LRRC1: variants seen among roughly 807,000 people sequenced by gnomAD.
LRRC1 encodes leucine-rich repeat-containing protein 1.
A neutral mutation model predicts 69.9 loss-of-function variants in LRRC1; 28 were observed. The observed-to-expected ratio is 0.40, with a 90% CI of 0.30 to 0.55. The LOEUF is 0.55. Ranked by LOEUF, LRRC1 falls within the 20% of genes least tolerant of loss-of-function variation. The pLI is 0.47. For missense variants in LRRC1, 498 were observed against 609.0 expected, an observed-to-expected ratio of 0.82 and a Z score of 1.92; for synonymous variants, 236 against 240.2, an observed-to-expected ratio of 0.98 and a Z score of 0.16.
rs954809438 is a variant in LRRC1 at position 53,795,354 on chromosome 6, G to A, written c.98G>A (p.Arg33His). 6.2e-7 allele frequency: 1 copy of A among 1,613,602 alleles called. No individual in the cohort carries two copies. Among genetic ancestry groups the A allele is most frequent in the African/African-American group, 1.3e-5 (1 of 74,900 alleles). ...SLVYVPEEIY[R>H]YARSLEELLL... ...GTCTACGTCCCCGAGGAGATCTACC[G>A]CTATGCCCGGAGCCTGGAGGAGCTG... Residue 33 changes from arginine to histidine, a missense_variant, in exon 1 of 14, where the codon CGC (arginine) becomes CAC (histidine). Coordinates refer to ENST00000370888, the MANE Select transcript of LRRC1 (RefSeq NM_018214.5).
intron 5 of LRRC1, 107 bp downstream of exon 5, chr6:53,896,661 T>C: frequency 8.5e-7 from 1 of 1,170,252 alleles, no homozygotes; most frequent in Admixed American, 2.0e-5. Context: ...TTTTGGGAAG[T>C]TTGGGGGATG....
At chr6:53,863,128 T>C (rs1766585718) in intron 2 of LRRC1, among the ~76,000 whole-genome samples, 1 of 152,246 alleles carries the variant, frequency 6.6e-6, no homozygotes, top group Non-Finnish European at 1.5e-5. Context: ...ACATGCTTGT[T>C]CTGTTCACTG....
intron 2 of LRRC1, among the ~76,000 whole-genome samples, chr6:53,855,653 G>A (rs1389516549): frequency 6.6e-6 from 1 of 152,202 alleles, no homozygotes; most frequent in East Asian, 1.9e-4. Flanking sequence ...ATGGGCCACA[G>A]CATGGCAAGG....
chr6:53,825,800 A>T (rs1765238850), intron 1 of LRRC1, among the ~76,000 whole-genome samples: 1 of 152,090 alleles, frequency 6.6e-6, no homozygotes, highest in South Asian at 2.1e-4. Context: ...GATAATCTTT[A>T]AGCTACTCTC....
chr6:53,922,896 G>T lies in LRRC1; in HGVS notation c.*103G>T. 1.8e-6 allele frequency: 2 copies of T among 1,130,986 alleles called. No individual in the cohort carries two copies. Among genetic ancestry groups the T allele is most frequent in the South Asian group, 1.5e-5 (1 of 65,054 alleles). The allele number at this position is 1,130,986 out of a possible 1,614,324, so 70.1% of individuals were successfully genotyped here. A position where few individuals can be genotyped will look rare whatever the true frequency, so the allele number is the denominator to read the frequency against. On this transcript the variant is annotated 3_prime_UTR_variant, in exon 14 of 14. Transcript: ENST00000370888. ...GTGCTCCTTGTCCTAACCAGCCCCCGCGCGCCATCTTCCCGTGGAGTGTGG... is the reference window on the plus strand; with the variant it reads ...GTGCTCCTTGTCCTAACCAGCCCCCTCGCGCCATCTTCCCGTGGAGTGTGG...
At chr6:53,896,421 G>A in intron 4 of LRRC1, 77 bp from the exon 5 acceptor site, 1 of 1,197,740 alleles carries the variant, frequency 8.3e-7, no homozygotes, top group South Asian at 1.2e-5. Flanking sequence ...CTTGTCCAGT[G>A]TGTGTATGGG....
chr6:53,912,483 T>C (rs2473603), intron 10 of LRRC1, among the ~76,000 whole-genome samples: 110,472 of 152,080 alleles, frequency 0.73, 41,067 homozygotes, highest in East Asian at 0.98. Flanking sequence ...CTAAAGGGAG[T>C]AATCTAAAAG....
intron 1 of LRRC1, among the ~76,000 whole-genome samples, chr6:53,837,320 A>G (rs1406230372): frequency 6.6e-6 from 1 of 152,258 alleles, no homozygotes; most frequent in East Asian, 1.9e-4. Flanking sequence ...GATGACACAA[A>G]TGATGTGTAC....
At chr6:53,809,871 G>T (rs1447896454) in intron 1 of LRRC1, among the ~76,000 whole-genome samples, 1 of 152,222 alleles carries the variant, frequency 6.6e-6, no homozygotes, top group African/African-American at 2.4e-5. Flanking sequence ...ACATCAGGAA[G>T]CCTGAAGGTA....
At chr6:53,896,311 A>G (rs1562064444) in intron 4 of LRRC1, among the ~76,000 whole-genome samples, 187 bp from the exon 5 acceptor site, 1 of 152,078 alleles carries the variant, frequency 6.6e-6, no homozygotes, top group Non-Finnish European at 1.5e-5. Context: ...TTACAATTTG[A>G]GAGGTAGAGA....
At chr6:53,845,037 C>G (rs1765898340) in intron 2 of LRRC1, among the ~76,000 whole-genome samples, 1 of 152,142 alleles carries the variant, frequency 6.6e-6, no homozygotes, top group Non-Finnish European at 1.5e-5. Context: ...ACCTCCAACT[C>G]TACTAAAAAT....
intron 5 of LRRC1, 71 bp downstream of exon 5, chr6:53,896,625 C>A: frequency 7.3e-7 from 1 of 1,377,776 alleles, no homozygotes; most frequent in Non-Finnish European, 1.0e-6. Context: ...AACAGGACTA[C>A]AGTATTACGT....
At chr6:53,870,115 C>A (rs935500777) in intron 2 of LRRC1, among the ~76,000 whole-genome samples, 1 of 152,144 alleles carries the variant, frequency 6.6e-6, no homozygotes, top group East Asian at 1.9e-4. Flanking sequence ...TCCTGTAAAC[C>A]GGACCTCTAG....
At chr6:53,832,290 C>T (rs982631852) in intron 1 of LRRC1, among the ~76,000 whole-genome samples, 2 of 152,128 alleles carry the variant, frequency 1.3e-5, no homozygotes, top group African/African-American at 2.4e-5. Context: ...ATTGATCCAC[C>T]TCTCCTGTGT....
At chr6:53,840,389 A>G (rs912370680) in intron 1 of LRRC1, among the ~76,000 whole-genome samples, 1 of 151,670 alleles carries the variant, frequency 6.6e-6, no homozygotes, top group Non-Finnish European at 1.5e-5. Context: ...TTTTTCCTTT[A>G]TTTCCTGTGC....
At chr6:53,824,318 TG>T (rs1464600066) in intron 1 of LRRC1, among the ~76,000 whole-genome samples, 1 of 152,184 alleles carries the variant, frequency 6.6e-6, no homozygotes, top group African/African-American at 2.4e-5. Context: ...CGTTGCCCTT[TG>T]CCCACTTTTT....
intron 9 of LRRC1, among the ~76,000 whole-genome samples, chr6:53,903,275 G>T (rs960889643): frequency 2.0e-5 from 3 of 152,118 alleles, no homozygotes; most frequent in African/African-American, 7.2e-5. Context: ...GAACTTGGAA[G>T]TGGAGGGGAC....
chr6:53,910,298 AT>A (rs902819299), intron 10 of LRRC1, among the ~76,000 whole-genome samples: 19 of 152,206 alleles, frequency 1.2e-4, no homozygotes, highest in Non-Finnish European at 2.2e-4. Context: ...GTAATAAGTT[AT>A]TTAAACAGTG....
intron 1 of LRRC1, among the ~76,000 whole-genome samples, chr6:53,803,692 A>G (rs1764556558): frequency 6.6e-6 from 1 of 152,168 alleles, no homozygotes; most frequent in African/African-American, 2.4e-5. Context: ...TATAATGTTT[A>G]GATTTCAGGG....
Sources: gnomAD v4.1 joint callset for allele counts (sites outside exome capture counted in the v4.1 genomes callset) on GRCh38, gnomAD v4.1.1 for gene constraint, MANE v1.5 for transcripts, NCBI Gene and HGNC (gene_info 2026-07-23, HGNC 2026-07-21) for gene names.